The following ROBO1 variants were observed in gnomAD, a reference collection of about 807,000 sequenced individuals.
ROBO1 encodes the protein roundabout homolog 1.
A neutral mutation model predicts 195.9 loss-of-function variants in ROBO1; 149 were observed. That is an observed-to-expected ratio of 0.76 (90% confidence interval 0.67 to 0.87). The LOEUF (loss-of-function observed/expected upper bound fraction) is 0.87. Ranked by LOEUF, ROBO1 falls within the 40% of genes least tolerant of loss-of-function variation. ROBO1 has a pLI of 0.00. For missense variants in ROBO1, 1,933 were observed against 2,068.3 expected (o/e 0.93, Z 1.27); for synonymous variants, 816 against 733.2 (o/e 1.11, Z -1.82).
At chr3:78,890,767 A>G (rs532295351) in intron 4 of ROBO1, among the ~76,000 whole-genome samples, 1 of 152,140 alleles carries the variant, frequency 6.6e-6, no homozygotes, top group African/African-American at 2.4e-5. Context: ...TATTGACTTA[A>G]TTTATTTAAT....
chr3:79,636,404 C>T (rs893030480), intron 1 of ROBO1, among the ~76,000 whole-genome samples: 12 of 152,114 alleles, frequency 7.9e-5, no homozygotes, highest in African/African-American at 2.9e-4. Flanking sequence ...TCATTTTTAA[C>T]AAGGCACTTG....
At chr3:78,991,255 G>T (rs963724039) in intron 3 of ROBO1, among the ~76,000 whole-genome samples, 1 of 152,062 alleles carries the variant, frequency 6.6e-6, no homozygotes, top group East Asian at 1.9e-4. Context: ...ATGAACAAGA[G>T]ATATTAGTAC....
intron 3 of ROBO1, among the ~76,000 whole-genome samples, chr3:78,948,077 C>T (rs946409560): frequency 1.3e-5 from 2 of 152,088 alleles, no homozygotes; most frequent in African/African-American, 4.8e-5. Context: ...GATTCACAGT[C>T]GAATTCTACC....
chr3:79,660,801 A>G (rs1946306697), intron 1 of ROBO1, among the ~76,000 whole-genome samples: 1 of 152,070 alleles, frequency 6.6e-6, no homozygotes, highest in African/African-American at 2.4e-5. Context: ...TGAAAAGCAC[A>G]ATGACCTTAG....
chr3:79,197,218 GT>G (rs2081654729), intron 2 of ROBO1, among the ~76,000 whole-genome samples: 1 of 151,820 alleles, frequency 6.6e-6, no homozygotes. Context: ...ACCCTGGTGT[GT>G]GATGTTCCCC....
rs558811630 is a variant in ROBO1 at position 79,635,943 on chromosome 3, C to T, written c.-50-45982G>A. Among the ~76,000 whole-genome samples the T allele has an allele frequency of 6.6e-5, 10 of 152,158 alleles. 1 individual carries two copies. Among genetic ancestry groups the T allele is most frequent in the African/African-American group, 2.4e-4 (10 of 41,540 alleles). ...ATTAGGATATGATATTCTATCCTAC[C>T]TAATATAGACTGTTAGTTCCCATAT... On this transcript the variant is annotated intron_variant, in intron 1 of 30. Transcript: ENST00000464233.
chr3:79,460,432 CATA>C (rs1937592330), intron 2 of ROBO1, among the ~76,000 whole-genome samples: 1 of 152,050 alleles, frequency 6.6e-6, no homozygotes, highest in African/African-American at 2.4e-5. Context: ...GATGTGAGTA[CATA>C]ATAATTTTAT....
intron 1 of ROBO1, among the ~76,000 whole-genome samples, chr3:79,679,264 G>A (rs996632693): frequency 6.6e-6 from 1 of 151,864 alleles, no homozygotes; most frequent in Non-Finnish European, 1.5e-5. Context: ...TTGAAACAAC[G>A]TGTCTTTGAT....
At chr3:79,416,345 C>T (rs1027193528) in intron 2 of ROBO1, among the ~76,000 whole-genome samples, 2 of 151,362 alleles carry the variant, frequency 1.3e-5, no homozygotes, top group African/African-American at 4.9e-5. Flanking sequence ...ATGTCGCATG[C>T]CTGTAATCCT....
At chr3:78,603,958 A>C (rs1263406024) in intron 29 of ROBO1, among the ~76,000 whole-genome samples, 1 of 152,100 alleles carries the variant, frequency 6.6e-6, no homozygotes, top group Non-Finnish European at 1.5e-5. Context: ...TGATTTTAAA[A>C]ATTTTATCTC....
intron 2 of ROBO1, among the ~76,000 whole-genome samples, chr3:79,197,505 G>A (rs1210834740): frequency 6.6e-6 from 1 of 152,020 alleles, no homozygotes; most frequent in Non-Finnish European, 1.5e-5. Flanking sequence ...ACATACGTGT[G>A]CATGTGTCTT....
chr3:78,903,437 G>GA (rs963219070), intron 4 of ROBO1, among the ~76,000 whole-genome samples: 2 of 151,012 alleles, frequency 1.3e-5, no homozygotes, highest in African/African-American at 4.9e-5. Context: ...TGAAAAGAGG[G>GA]AAAAAAATCT....
intron 3 of ROBO1, among the ~76,000 whole-genome samples, chr3:79,027,536 T>G (rs1283427395): frequency 6.6e-6 from 1 of 152,038 alleles, no homozygotes; most frequent in Non-Finnish European, 1.5e-5. Context: ...GGCTCAGTCT[T>G]GTGGGTAAAT....
Position 78,601,068 on chromosome 3 carries a change from C to T in ROBO1, c.4745-759G>A, listed in dbSNP as rs72904721. 5.6e-3 allele frequency among the ~76,000 whole-genome samples: 859 copies of T among 152,250 alleles called. 6 individuals are homozygous for T. The highest frequency in any genetic ancestry group is 0.019 in the African/African-American group (786 of 41,550). Reference sequence around the variant, plus strand: ...TTTGGTGCTACTTCTACTGATGCATCAGCCAGCTGCTCACTTCTCTCCAAA... The same window carrying T: ...TTTGGTGCTACTTCTACTGATGCATTAGCCAGCTGCTCACTTCTCTCCAAA... On this transcript the variant is annotated intron_variant, in intron 29 of 30. Transcript: ENST00000464233.
At chr3:79,287,686 T>C (rs1037710124) in intron 2 of ROBO1, among the ~76,000 whole-genome samples, 2 of 152,184 alleles carry the variant, frequency 1.3e-5, no homozygotes, top group Non-Finnish European at 2.9e-5. Context: ...TCATTTTATG[T>C]CCTTACTTGC....
At chr3:79,519,830 G>C (rs1197496814) in intron 2 of ROBO1, among the ~76,000 whole-genome samples, 1 of 151,816 alleles carries the variant, frequency 6.6e-6, no homozygotes, top group Non-Finnish European at 1.5e-5. Context: ...GCAAGTACTT[G>C]AGAAGAATAA....
intron 3 of ROBO1, among the ~76,000 whole-genome samples, chr3:79,087,455 C>T (rs569339813): frequency 6.6e-6 from 1 of 152,178 alleles, no homozygotes; most frequent in East Asian, 1.9e-4. Context: ...TTCTTTCTCT[C>T]AAATAAAGTG....
At chr3:78,618,607 A>G (rs1471387985) in intron 26 of ROBO1, among the ~76,000 whole-genome samples, 1 of 152,242 alleles carries the variant, frequency 6.6e-6, no homozygotes, top group East Asian at 1.9e-4. Context: ...ATTTTATTCT[A>G]TTAAAAAAAA....
chr3:79,340,686 T>C (rs2034872906), intron 2 of ROBO1, among the ~76,000 whole-genome samples: 1 of 152,204 alleles, frequency 6.6e-6, no homozygotes, highest in African/African-American at 2.4e-5. Context: ...TTCTTAGGAG[T>C]TAGAAATAAA....
Sources: allele counts gnomAD v4.1 joint callset (sites outside exome capture counted in the v4.1 genomes callset), GRCh38; gene constraint gnomAD v4.1.1; transcripts MANE v1.5; gene names NCBI Gene and HGNC (gene_info 2026-07-23, HGNC 2026-07-21).